Variants in MYO5C observed in about 807,000 individuals in gnomAD.
MYO5C encodes myosin VC, also known as unconventional myosin-Vc.
A neutral mutation model predicts 235.7 loss-of-function variants in MYO5C; 194 were observed. That is an observed-to-expected ratio of 0.82 (90% CI 0.73 to 0.93). The LOEUF (loss-of-function observed/expected upper bound fraction) is 0.93. Ranked by LOEUF, MYO5C falls within the 40% of genes least tolerant of loss-of-function variation. MYO5C has a pLI of 0.00. For missense variants in MYO5C, 2,038 were observed against 2,127.2 expected (o/e 0.96, Z 0.82); for synonymous variants, 707 against 754.8 (o/e 0.94, Z 1.04).
chr15:52,261,184 C>T lies in MYO5C; in HGVS notation c.1048-57G>A, dbSNP rs565378692. ...GCCCAGCCATCCAAAGACACACAAT[C>T]CCACCCGGCCAAGGCCCCCGTGCCC... is the stretch of plus-strand genomic sequence containing the variant. On this transcript the variant is annotated intron_variant, in intron 9 of 40. Coordinates refer to ENST00000261839, the MANE Select transcript of MYO5C (RefSeq NM_018728.4). 12 of 1,586,032 alleles carry T rather than the reference C, an allele frequency of 7.6e-6. No homozygotes were observed. In the African/African-American group the frequency reaches 1.6e-4, roughly 21 times the overall value.
chr15:52,249,948 G>A (rs555010757), intron 13 of MYO5C, among the ~76,000 whole-genome samples: 12 of 152,316 alleles, frequency 7.9e-5, no homozygotes, highest in African/African-American at 2.9e-4. Flanking sequence ...CCATAGTCCA[G>A]CCCAAACGCT....
Position 52,244,425 on chromosome 15 carries a change from T to C in MYO5C, c.2321A>G (p.Lys774Arg), listed in dbSNP as rs756634952. 10 of 1,614,128 alleles carry C rather than the reference T, an allele frequency of 6.2e-6. No individual in the cohort carries two copies. The highest frequency in any genetic ancestry group is 8.5e-6 in the Non-Finnish European group (10 of 1,180,024). ...GGCTCGTCTCTCTCGGAGGAATTTT[T>C]TCCTCTGGAGCCAGCCACGCATGTG... The part of the protein sequence containing the change: ...QKHMRGWLQR[K>R]KFLRERRAAL... The change falls in exon 19 of 41, where the codon AAA becomes AGA. Residue 774 changes from lysine to arginine, a missense_variant. By Grantham distance (26) the Lys-to-Arg change is conservative (BLOSUM62 2). Transcript: ENST00000261839.
chr15:52,232,647 C>T lies in MYO5C; in HGVS notation c.3001G>A (p.Val1001Ile), dbSNP rs934205573. ...ATTCTTTGCCGTTCTTCCTTTTGTA[C>T]ATCATCAAAGAGCTGCTTGGTGAGG... Reference protein sequence around the residue: ...DNLTKQLFDDVQKEERQRMLL... With the variant: ...DNLTKQLFDDIQKEERQRMLL... Residue 1001 changes from valine (V) to isoleucine (I), a missense_variant, in exon 24 of 41, where the codon GTA becomes ATA. Transcript: ENST00000261839. 8 of 1,613,500 alleles carry T rather than the reference C, an allele frequency of 5.0e-6. No homozygotes were observed. The highest frequency in any genetic ancestry group is 6.8e-6 in the Non-Finnish European group (8 of 1,179,920).
rs1477596883 is a variant in MYO5C at position 52,295,711 on chromosome 15, C to A, written c.-75G>T. On this transcript the variant is annotated 5_prime_UTR_variant, in exon 1 of 41. Transcript: ENST00000261839. ...GGGGGCTGGGCCTGCGCCGCAGAGGCCGGGCGCAGGAGAGACCGCCGCGGA... is the reference window on the plus strand; with the variant it reads ...GGGGGCTGGGCCTGCGCCGCAGAGGACGGGCGCAGGAGAGACCGCCGCGGA... 2 of 1,115,850 alleles carry A rather than the reference C, an allele frequency of 1.8e-6. No homozygotes were observed. Among genetic ancestry groups the A allele is most frequent in the Non-Finnish European group, 2.4e-6 (2 of 842,966 alleles). 69.1% of individuals were successfully genotyped at this position (1,115,850 alleles called of 1,614,324 possible).
intron 29 of MYO5C, among the ~76,000 whole-genome samples, chr15:52,222,933 C>T (rs201914663): frequency 1.3e-5 from 2 of 152,078 alleles, no homozygotes; most frequent in African/African-American, 2.4e-5. Flanking sequence ...AGGCGGATCA[C>T]GAGGTCAGGA....
At chr15:52,286,913 C>G (rs1266416249) in intron 1 of MYO5C, among the ~76,000 whole-genome samples, 1 of 140,304 alleles carries the variant, frequency 7.1e-6, no homozygotes, top group East Asian at 2.0e-4. Flanking sequence ...TCCCCCTCTG[C>G]GAGAAACACC....
chr15:52,203,991 C>T (rs142769622), intron 38 of MYO5C, among the ~76,000 whole-genome samples: 1 of 152,326 alleles, frequency 6.6e-6, no homozygotes, highest in African/African-American at 2.4e-5. Flanking sequence ...GTTCTCATAA[C>T]AGATACAGGT....
At chr15:52,245,811 C>T in intron 17 of MYO5C, 145 bp downstream of exon 17, 1 of 704,106 alleles carries the variant, frequency 1.4e-6, no homozygotes, top group Admixed American at 2.5e-5. Flanking sequence ...CTCTTCTGGA[C>T]TTCCACAGGG....
intron 13 of MYO5C, among the ~76,000 whole-genome samples, chr15:52,249,346 C>T (rs4776027): frequency 0.91 from 138,665 of 152,200 alleles, 63,943 homozygotes; most frequent in Middle Eastern, 0.99. Flanking sequence ...GAAGGCTTCT[C>T]GAATGCCTCA....
In MYO5C at chr15:52,223,575, T is replaced by C. The variant is rs1489676208; in HGVS notation, c.3596A>G (p.His1199Arg). ...CTCTGATGTTAGCCTGGTAACTTCA[T>C]GACGGATGCTTTCATTGATGTCATT... The part of the protein sequence containing the change: ...EENDINESIR[H>R]EVTRLTSENM... The change falls in exon 29 of 41, where the codon CAT becomes CGT. Residue 1199 changes from histidine to arginine, a missense_variant. Coordinates refer to ENST00000261839, the MANE Select transcript of MYO5C (RefSeq NM_018728.4). The C allele has an allele frequency of 1.9e-6, 3 of 1,614,226 alleles. No homozygotes were observed. The highest frequency in any genetic ancestry group is 2.2e-5 in the East Asian group (1 of 44,896).
At chr15:52,244,271 C>T (rs1399557310) in intron 19 of MYO5C, 85 bp downstream of exon 19, 1 of 1,387,362 alleles carries the variant, frequency 7.2e-7, no homozygotes, top group South Asian at 1.3e-5. Context: ...AGAAAGGTCC[C>T]TTGTCCTTGA....
rs769529397 is a variant in MYO5C at position 52,219,851 on chromosome 15, G to T, written c.3722-29C>A. 17 of 1,547,722 alleles carry T rather than the reference G, an allele frequency of 1.1e-5. No homozygotes were observed. In the Admixed American group the frequency reaches 1.7e-4, roughly 15 times the overall value. On this transcript the variant is annotated intron_variant, in intron 30 of 40. Coordinates refer to ENST00000261839, the MANE Select transcript of MYO5C (RefSeq NM_018728.4). ...TAATGAGAAGAACTGTCAGTACTTT[G>T]GGGGGGCACATATCACTGCATTCTG...
chr15:52,255,497 G>A (rs2036561522), intron 11 of MYO5C, among the ~76,000 whole-genome samples: 1 of 152,160 alleles, frequency 6.6e-6, no homozygotes, highest in South Asian at 2.1e-4. Context: ...AGCTTTCATG[G>A]CTTTTCAGAA....
At chr15:52,218,455 GT>G (rs1300505402) in intron 32 of MYO5C, 63 bp downstream of exon 32, 1 of 1,476,428 alleles carries the variant, frequency 6.8e-7, no homozygotes, top group Non-Finnish European at 9.4e-7. Flanking sequence ...TAGGTGGCAT[GT>G]CCCCCCTTTC....
At chr15:52,206,958 C>T (rs1337635121) in intron 36 of MYO5C, among the ~76,000 whole-genome samples, 2 of 152,068 alleles carry the variant, frequency 1.3e-5, no homozygotes, top group Admixed American at 1.3e-4. Context: ...CATGGTGAAA[C>T]CCCATCTCTA....
At chr15:52,274,792 G>T (rs140394668) in intron 5 of MYO5C, among the ~76,000 whole-genome samples, 2 of 152,194 alleles carry the variant, frequency 1.3e-5, no homozygotes, top group African/African-American at 4.8e-5. Context: ...GCTAAGCAGT[G>T]ACTTCAACAG....
chr15:52,229,684 T>A (rs1250723662), intron 24 of MYO5C, among the ~76,000 whole-genome samples: 2 of 152,204 alleles, frequency 1.3e-5, no homozygotes, highest in African/African-American at 4.8e-5. Context: ...TTACTTTGAA[T>A]TAGAATACAT....
intron 16 of MYO5C, among the ~76,000 whole-genome samples, chr15:52,246,473 C>T (rs1197482600): frequency 6.6e-6 from 1 of 152,214 alleles, no homozygotes; most frequent in Non-Finnish European, 1.5e-5. Context: ...GCTCATCCCC[C>T]TTTAGGCACC....
rs374951199 is a variant in MYO5C at position 52,251,344 on chromosome 15, G to A, written c.1662+46C>T. The A allele has an allele frequency of 3.6e-5, 55 of 1,542,182 alleles. No homozygotes were observed. The African/African-American group carries it at 6.3e-4, about 18-fold the overall frequency. On this transcript the variant is annotated intron_variant, in intron 13 of 40. Transcript: ENST00000261839. ...GGCCTGCCTACTCCTTCTGGAGGCT[G>A]TACAGGTTCCGGGGTTGACAGCATT...
Sources: allele counts gnomAD v4.1 joint callset (sites outside exome capture counted in the v4.1 genomes callset), GRCh38; gene constraint gnomAD v4.1.1; transcripts MANE v1.5; gene names NCBI Gene and HGNC (gene_info 2026-07-23, HGNC 2026-07-21).